GON4L: variants seen among roughly 807,000 people sequenced by gnomAD.
The protein encoded by GON4L is GON-4-like protein.
Under a neutral mutation model 211.8 loss-of-function variants are expected in GON4L, and 87 were observed. The ratio of observed to expected loss-of-function variants is 0.41; its 90% CI spans 0.35 to 0.49. The LOEUF is 0.49. Ranked by LOEUF, GON4L falls within the 20% of genes least tolerant of loss-of-function variation. GON4L has a pLI of 0.15. For missense variants in GON4L, 2,155 were observed against 2,659.5 expected, an observed-to-expected ratio of 0.81 and a Z score of 4.17; for synonymous variants, 875 against 962.6, an observed-to-expected ratio of 0.91 and a Z score of 1.68.
intron 15 of GON4L, 121 bp from the exon 16 acceptor site, chr1:155,776,602 G>A (rs1293776039): frequency 3.7e-6 from 3 of 807,768 alleles, no homozygotes; most frequent in Non-Finnish European, 6.4e-6. Context: ...TCAGGCTGAT[G>A]TGCAGTGATG....
chr1:155,809,595 T>G (rs1428773778), intron 10 of GON4L, among the ~76,000 whole-genome samples: 1 of 131,028 alleles, frequency 7.6e-6, no homozygotes, highest in Non-Finnish European at 1.6e-5. Context: ...TATACTTATA[T>G]ATACTTATAA....
At chr1:155,834,837 C>G (rs1436662442) in intron 2 of GON4L, among the ~76,000 whole-genome samples, 1 of 151,800 alleles carries the variant, frequency 6.6e-6, no homozygotes, top group Non-Finnish European at 1.5e-5. Flanking sequence ...CGCCTCTGCC[C>G]AGCTGCCCCT....
rs77977858 is a variant in GON4L at position 155,766,110 on chromosome 1, C to T, written c.3363G>A (p.Lys1121=). The change falls in exon 21 of 32, where the codon AAG becomes AAA. Residue 1121 remains lysine, a synonymous_variant. Transcript: ENST00000368331. ...RKPYVRRRPS[K]RRGVKASPCM... is the part of the protein sequence containing the mutation. ...AGGGAGAGGCCTTGACTCCTCTTCTCTTTGAGGGTCTCCGTCTCACATATG... is the reference window on the plus strand; with the variant it reads ...AGGGAGAGGCCTTGACTCCTCTTCTTTTTGAGGGTCTCCGTCTCACATATG... 12,202 of 1,614,140 alleles carry T rather than the reference C, an allele frequency of 7.6e-3. 411 individuals are homozygous for T. The East Asian group carries it at 0.13, about 17-fold the overall frequency.
Position 155,754,443 on chromosome 1 carries a change from G to A in GON4L, c.5563C>T (p.His1855Tyr). The part of the protein sequence containing the change: ...DGAKDCACSC[H>Y]EGGPDSKLKK... The stretch of plus-strand genomic sequence containing the variant: ...AGCTTGGAATCTGGACCTCCTTCAT[G>A]GCAGGAGCAGGCACAGTCCTTGGCC... The change falls in exon 28 of 32, where the codon CAT (histidine) becomes TAT (tyrosine). Residue 1855 changes from histidine to tyrosine, a missense_variant. Transcript: ENST00000368331. 6.2e-7 allele frequency: 1 copy of A among 1,613,074 alleles called. No homozygotes were observed. The highest frequency in any genetic ancestry group is 8.5e-7 in the Non-Finnish European group (1 of 1,179,454).
intron 27 of GON4L, among the ~76,000 whole-genome samples, chr1:155,755,581 T>C (rs954304542): frequency 6.6e-6 from 1 of 152,128 alleles, no homozygotes; most frequent in Admixed American, 6.5e-5. Flanking sequence ...GATTAAGGCC[T>C]ATTATGAATC....
intron 11 of GON4L, among the ~76,000 whole-genome samples, chr1:155,797,842 C>T (rs974407114): frequency 2.7e-5 from 4 of 145,624 alleles, no homozygotes; most frequent in African/African-American, 7.7e-5. Context: ...GAGAGTGAGA[C>T]TCCATCTAAC....
intron 10 of GON4L, among the ~76,000 whole-genome samples, chr1:155,810,730 T>C (rs1055829109): frequency 1.5e-4 from 23 of 150,254 alleles, no homozygotes; most frequent in Admixed American, 1.5e-3. Flanking sequence ...AAAAATTTAC[T>C]GGCTAAGGCC....
chr1:155,842,184 C>A (rs1557923966), intron 2 of GON4L, among the ~76,000 whole-genome samples: 1 of 152,086 alleles, frequency 6.6e-6, no homozygotes, highest in Admixed American at 6.5e-5. Flanking sequence ...TTGCCCTTTC[C>A]CACAAAGGAA....
intron 2 of GON4L, among the ~76,000 whole-genome samples, chr1:155,843,690 G>GCCT (rs374425617): frequency 7.7e-4 from 117 of 152,254 alleles, no homozygotes; most frequent in Middle Eastern, 3.4e-3. Context: ...TATACATGGT[G>GCCT]CCTCCTCCAG....
chr1:155,800,130 C>A (rs1571788453), intron 11 of GON4L, among the ~76,000 whole-genome samples: 1 of 151,374 alleles, frequency 6.6e-6, no homozygotes, highest in South Asian at 2.1e-4. Context: ...ACCTGGGAGG[C>A]AGAGGTTGCG....
intron 6 of GON4L, among the ~76,000 whole-genome samples, chr1:155,819,079 C>T (rs573408922): frequency 1.3e-5 from 2 of 152,098 alleles, no homozygotes; most frequent in East Asian, 3.9e-4. Flanking sequence ...GATTTGAGGT[C>T]AGGAGTTTGA....
Position 155,795,133 on chromosome 1 carries a change from T to C in GON4L, c.1664A>G (p.Asp555Gly). The C allele has an allele frequency of 6.3e-7, 1 of 1,597,754 alleles. No individual in the cohort carries two copies. The highest frequency in any genetic ancestry group is 8.6e-7 in the Non-Finnish European group (1 of 1,165,058). The change falls in exon 12 of 32, where the codon GAT (aspartate) becomes GGT (glycine). Residue 555 changes from aspartate (D) to glycine (G), a missense_variant. Physicochemically the swap from Asp to Gly is moderately conservative, Grantham distance 94 (BLOSUM62 -1). Around this residue, in one of 6 missense-constraint regions of GON4L, gnomAD observed 551 missense variants for 854.0 expected, o/e 0.65. Transcript: ENST00000368331. Reference sequence around the variant, plus strand: ...TTCCAGGAAATTATATTCTGGATCATCATCATCATCTGCTTCATCTAGGAA... The same window carrying C: ...TTCCAGGAAATTATATTCTGGATCACCATCATCATCTGCTTCATCTAGGAA... ...VGNEDEADDD[D>G]DPEYNFLEDL... is the part of the protein sequence containing the mutation.
At chr1:155,807,703 C>CAAAAAAAAAA (rs61248477) in intron 10 of GON4L, among the ~76,000 whole-genome samples, 10 of 52,900 alleles carry the variant, frequency 1.9e-4, no homozygotes, top group Non-Finnish European at 2.1e-4. Flanking sequence ...GACTCCGTCT[C>CAAAAAAAAAA]AAAAAAAAAA....
intron 2 of GON4L, among the ~76,000 whole-genome samples, chr1:155,841,196 T>C (rs938146186): frequency 6.6e-6 from 1 of 152,236 alleles, no homozygotes; most frequent in African/African-American, 2.4e-5. Flanking sequence ...TTCTCAAAAC[T>C]AGGGCAGGGC....
chr1:155,845,517 T>A, intron 2 of GON4L: 1 of 340,574 alleles, frequency 2.9e-6, no homozygotes, highest in South Asian at 2.5e-5. Context: ...ATGAAAGTAC[T>A]TGATGTATCC....
In GON4L at chr1:155,822,713, AG is replaced by A. The variant is rs1668843601; in HGVS notation, c.698-238del. 2.0e-5 allele frequency among the ~76,000 whole-genome samples: 3 copies of A among 152,226 alleles called. No individual in the cohort carries two copies. In the South Asian group the frequency reaches 6.2e-4, roughly 32 times the overall value. The stretch of plus-strand genomic sequence containing the variant: ...AATGTTTGAGAAAGGGGGATAGCAA[AG>A]GGGAATTAGGCAACTTTTGGGGTGA... On this transcript the variant is annotated intron_variant, in intron 3 of 31. Coordinates refer to ENST00000368331, the MANE Select transcript of GON4L (RefSeq NM_001282860.2).
chr1:155,799,125 G>C (rs115337677), intron 11 of GON4L, among the ~76,000 whole-genome samples: 1,717 of 152,224 alleles, frequency 0.011, 11 homozygotes, highest in Middle Eastern at 0.027. Flanking sequence ...AAATCTGTCC[G>C]AATAGGCACA....
rs978243531 is a variant in GON4L at position 155,843,791 on chromosome 1, C to T, written c.505+9485G>A. Reference sequence around the variant, plus strand: ...GAAAACGAGGGCTACTCAATCACCCCCATTGGAACCTGGAAAAGGTATCTC... The same window carrying T: ...GAAAACGAGGGCTACTCAATCACCCTCATTGGAACCTGGAAAAGGTATCTC... On this transcript the variant is annotated intron_variant, in intron 2 of 31. Transcript: ENST00000368331. Among the ~76,000 whole-genome samples, 9 of 152,246 alleles carry T rather than the reference C, an allele frequency of 5.9e-5. No homozygotes were observed. The South Asian group carries it at 8.3e-4, about 14-fold the overall frequency.
intron 1 of GON4L, among the ~76,000 whole-genome samples, chr1:155,856,450 G>A (rs1239726620): frequency 1.3e-5 from 2 of 149,442 alleles, no homozygotes; most frequent in African/African-American, 2.5e-5. Context: ...TACCCAGGCT[G>A]GTCTCAAACT....
Sources: allele counts gnomAD v4.1 joint callset (sites outside exome capture counted in the v4.1 genomes callset), GRCh38; gene constraint gnomAD v4.1.1; regional missense constraint gnomAD v4.1.1; transcripts MANE v1.5; gene names NCBI Gene and HGNC (gene_info 2026-07-23, HGNC 2026-07-21).